The following MGAT5 variants were observed in gnomAD, a reference collection of about 807,000 sequenced individuals.
MGAT5 encodes alpha-1,6-mannosylglycoprotein 6-beta-N-acetylglucosaminyltransferase A.
A neutral mutation model predicts 94.3 loss-of-function variants in MGAT5; 30 were observed. The observed-to-expected ratio is 0.32, with a 90% CI of 0.24 to 0.43. MGAT5 has a LOEUF of 0.43. Ranked by LOEUF, MGAT5 falls within the 20% of genes least tolerant of loss-of-function variation. MGAT5 has a pLI of 1.00. For synonymous variants in MGAT5, 310 were observed against 322.9 expected (o/e 0.96, Z 0.43); for missense variants, 691 against 905.5 (o/e 0.76, Z 3.04).
chr2:134,183,383 G>A lies in MGAT5; in HGVS notation c.-143+63092G>A, dbSNP rs74965979. Among the ~76,000 whole-genome samples the A allele has an allele frequency of 0.015, 2,285 of 152,280 alleles. 186 individuals carry two copies. The East Asian group carries it at 0.24, about 16-fold the overall frequency. On this transcript the variant is annotated intron_variant, in intron 1 of 16. Coordinates refer to the MGAT5 transcript ENST00000409645. ...GATTTGTGTTCATGTATGGATTGAC[G>A]CAATCAAGTTCATTTGAAGCTAGAG...
intron 15 of MGAT5, among the ~76,000 whole-genome samples, chr2:134,442,622 C>G (rs1685548110): frequency 6.6e-6 from 1 of 152,150 alleles, no homozygotes; most frequent in Non-Finnish European, 1.5e-5. Context: ...CTTGTGCTTG[C>G]ATTACTTAGT....
At chr2:134,437,769 C>T (rs1184025452) in intron 14 of MGAT5, among the ~76,000 whole-genome samples, 1 of 152,200 alleles carries the variant, frequency 6.6e-6, no homozygotes, top group Non-Finnish European at 1.5e-5. Context: ...TAATCCCACA[C>T]TTTGGGAGGC....
chr2:134,151,370 G>C, intron 1 of MGAT5, among the ~76,000 whole-genome samples: 2 of 120,048 alleles, frequency 1.7e-5, no homozygotes, highest in Non-Finnish European at 1.7e-5. Context: ...ACTCACCCAT[G>C]CCCTGTGGGA....
chr2:134,384,221 A>AC (rs1182086842), intron 10 of MGAT5, among the ~76,000 whole-genome samples: 1 of 150,642 alleles, frequency 6.6e-6, no homozygotes, highest in Non-Finnish European at 1.5e-5. Flanking sequence ...CTTGAAAAAA[A>AC]AAAAAAAAGT....
At chr2:134,341,211 G>GTGTT (rs1213355515) in intron 6 of MGAT5, among the ~76,000 whole-genome samples, 3 of 152,084 alleles carry the variant, frequency 2.0e-5, no homozygotes, top group African/African-American at 7.2e-5. Context: ...GCCTTTCCAT[G>GTGTT]TGTTTGAAAT....
At chr2:134,166,888 G>T (rs1687986869) in intron 1 of MGAT5, among the ~76,000 whole-genome samples, 2 of 152,160 alleles carry the variant, frequency 1.3e-5, no homozygotes, top group Admixed American at 6.5e-5. Flanking sequence ...TTAGATAAAT[G>T]AGATAAAACC....
At chr2:134,357,731 T>C (rs1573906730) in intron 9 of MGAT5, among the ~76,000 whole-genome samples, 1 of 152,168 alleles carries the variant, frequency 6.6e-6, no homozygotes. Context: ...CCCTCTTAAA[T>C]TGCTTTTTGA....
At chr2:134,441,112 C>T (rs184437932) in intron 14 of MGAT5, among the ~76,000 whole-genome samples, 59 of 152,244 alleles carry the variant, frequency 3.9e-4, no homozygotes, top group African/African-American at 1.1e-3. Context: ...AGACTATTGA[C>T]GACACTAAGT....
intron 1 of MGAT5, among the ~76,000 whole-genome samples, chr2:134,133,821 C>A (rs1382781855): frequency 6.6e-6 from 1 of 152,162 alleles, no homozygotes; most frequent in Non-Finnish European, 1.5e-5. Flanking sequence ...GAACATGGGA[C>A]AGGGAGGTGA....
rs71275904 is a variant in MGAT5, at chr2:134,416,474, C to CTTTTTTTTTTTTTTTTTT, written c.1677+3470_1677+3471insTTTTTTTTTTTTTTTTTT. Among the ~76,000 whole-genome samples, 527 of 138,952 alleles carry CTTTTTTTTTTTTTTTTTT rather than the reference C, an allele frequency of 3.8e-3. 19 individuals are homozygous for CTTTTTTTTTTTTTTTTTT. The highest frequency in any genetic ancestry group is 0.013 in the African/African-American group (465 of 36,232). 91.2% of individuals were successfully genotyped at this position (138,952 alleles called of 152,430 possible). A position where few individuals can be genotyped will look rare whatever the true frequency, so the allele number is the denominator to read the frequency against. On this transcript the variant is annotated intron_variant, in intron 12 of 15. Transcript: ENST00000281923. ...GCCTGTTTCAGAATCTCATTCCTTA[C>CTTTTTTTTTTTTTTTTTT]TTTTTTTTTTTGGAGACCGGGTCTT...
At chr2:134,314,205 G>T (rs1295530783) in intron 2 of MGAT5, among the ~76,000 whole-genome samples, 1 of 152,196 alleles carries the variant, frequency 6.6e-6, no homozygotes, top group African/African-American at 2.4e-5. Flanking sequence ...CTCTACCTGA[G>T]AACCTTGAGC....
chr2:134,325,368 T>G (rs148754309), intron 4 of MGAT5, among the ~76,000 whole-genome samples: 208 of 152,260 alleles, frequency 1.4e-3, no homozygotes, highest in African/African-American at 4.6e-3. Context: ...CTTTTAAAAT[T>G]ATGTTTTAAA....
At chr2:134,328,312 T>C (rs1687762979) in intron 4 of MGAT5, among the ~76,000 whole-genome samples, 2 of 152,048 alleles carry the variant, frequency 1.3e-5, no homozygotes, top group African/African-American at 4.8e-5. Context: ...TTCTGTACTT[T>C]GTGTTAATAA....
chr2:134,154,797 G>C (rs1233371077), intron 1 of MGAT5, among the ~76,000 whole-genome samples: 1 of 152,190 alleles, frequency 6.6e-6, no homozygotes, highest in East Asian at 1.9e-4. Flanking sequence ...AGGCGATCAA[G>C]TTAATTAAAG....
At chr2:134,445,949 C>A (rs1439246006) in intron 15 of MGAT5, among the ~76,000 whole-genome samples, 1 of 152,170 alleles carries the variant, frequency 6.6e-6, no homozygotes, top group African/African-American at 2.4e-5. Context: ...AATGGAGTCA[C>A]CTTCCTGACT....
At chr2:134,361,991 G>A (rs185421337) in intron 9 of MGAT5, among the ~76,000 whole-genome samples, 14 of 152,274 alleles carry the variant, frequency 9.2e-5, no homozygotes, top group Non-Finnish European at 2.1e-4. Context: ...AGGCAACAAG[G>A]AAGAGAGTAC....
At chr2:134,281,750 C>T (rs1288531701) in intron 2 of MGAT5, among the ~76,000 whole-genome samples, 1 of 152,168 alleles carries the variant, frequency 6.6e-6, no homozygotes, top group Non-Finnish European at 1.5e-5. Context: ...CGGGAGTGCT[C>T]AGCTCTCAAG....
intron 2 of MGAT5, among the ~76,000 whole-genome samples, chr2:134,270,840 A>T (rs1355555518): frequency 6.6e-6 from 1 of 152,216 alleles, no homozygotes; most frequent in Non-Finnish European, 1.5e-5. Flanking sequence ...AGATTAAATG[A>T]AATACAGAGG....
chr2:134,195,036 A>T (rs900107268), intron 1 of MGAT5, among the ~76,000 whole-genome samples: 3 of 152,186 alleles, frequency 2.0e-5, no homozygotes, highest in African/African-American at 7.2e-5. Context: ...TGAAAGTCAC[A>T]TACCTATTTT....
Sources: gnomAD v4.1 joint callset for allele counts (sites outside exome capture counted in the v4.1 genomes callset) on GRCh38, gnomAD v4.1.1 for gene constraint, MANE v1.5 for transcripts, NCBI Gene and HGNC (gene_info 2026-07-23, HGNC 2026-07-21) for gene names.